Variants in NOX4 observed in about 807,000 individuals in gnomAD.
The protein encoded by NOX4 is kidney oxidase-1.
NOX4 carries 69 observed loss-of-function variants against 87.6 expected under a neutral mutation model. The observed-to-expected ratio is 0.79, with a 90% confidence interval of 0.65 to 0.96. The LOEUF is 0.96. Ranked by LOEUF, NOX4 falls within the 40% of genes least tolerant of loss-of-function variation. The pLI is 0.00. For missense variants in NOX4, 680 were observed against 681.5 expected, an observed-to-expected ratio of 1.00 and a Z score of 0.02; for synonymous variants, 275 against 238.2, an observed-to-expected ratio of 1.15 and a Z score of -1.42.
intron 2 of NOX4, among the ~76,000 whole-genome samples, chr11:89,455,615 C>A (rs1421835122): frequency 2.6e-5 from 4 of 151,776 alleles, no homozygotes; most frequent in Non-Finnish European, 5.9e-5. Context: ...ATTCACAAAG[C>A]TTGTATGTCC....
At chr11:89,501,439 G>C (rs1368414726), upstream of NOX4, among the ~76,000 whole-genome samples, 1 of 151,964 alleles carries the variant, frequency 6.6e-6, no homozygotes, top group African/African-American at 2.4e-5. Context: ...GATGAGCAGA[G>C]AAGAGAAGAT....
intron 11 of NOX4, among the ~76,000 whole-genome samples, chr11:89,381,641 T>C (rs1378384308): frequency 1.3e-5 from 2 of 152,188 alleles, no homozygotes; most frequent in Non-Finnish European, 2.9e-5. Flanking sequence ...CAAAGCCTGT[T>C]TGGTGGTCTT....
intron 2 of NOX4, among the ~76,000 whole-genome samples, chr11:89,478,685 C>G (rs1211550806): frequency 1.3e-5 from 2 of 152,000 alleles, no homozygotes; most frequent in Non-Finnish European, 2.9e-5. Flanking sequence ...TCATTTAAAC[C>G]CAGTACAAGT....
At chr11:89,455,830 T>G (rs1032936309) in intron 2 of NOX4, among the ~76,000 whole-genome samples, 7 of 151,468 alleles carry the variant, frequency 4.6e-5, no homozygotes, top group African/African-American at 1.7e-4. Context: ...TCCATCAAAT[T>G]TGGTAATCAA....
the NOX4 span, among the ~76,000 whole-genome samples, chr11:89,575,412 A>T: frequency 0.012 from 1,879 of 152,328 alleles, 32 homozygotes; most frequent in African/African-American, 0.043. Flanking sequence ...AAAAGGGAAG[A>T]TGAGTGAAAA....
intron 17 of NOX4, among the ~76,000 whole-genome samples, chr11:89,334,879 T>C (rs1488297601): frequency 6.6e-6 from 1 of 151,616 alleles, no homozygotes; most frequent in Non-Finnish European, 1.5e-5. Flanking sequence ...TAAATTGAAT[T>C]TTAATAAAAT....
chr11:89,348,890 A>G (rs1946329477), intron 13 of NOX4, among the ~76,000 whole-genome samples: 1 of 152,182 alleles, frequency 6.6e-6, no homozygotes, highest in Non-Finnish European at 1.5e-5. Flanking sequence ...AATTAGGGAA[A>G]CAGTACTACC....
At chr11:89,562,904 A>C in the NOX4 span, among the ~76,000 whole-genome samples, 1 of 152,130 alleles carries the variant, frequency 6.6e-6, no homozygotes, top group Non-Finnish European at 1.5e-5. Flanking sequence ...TAATTGGATT[A>C]TTGAGGGGAT....
chr11:89,426,953 C>T (rs181240916), intron 7 of NOX4, among the ~76,000 whole-genome samples: 145 of 152,320 alleles, frequency 9.5e-4, no homozygotes, highest in African/African-American at 2.6e-3. Context: ...CCCGAGTAGC[C>T]TAACTAGGAG....
chr11:89,438,806 AT>A (rs1944263551), intron 6 of NOX4, among the ~76,000 whole-genome samples: 1 of 25,462 alleles, frequency 3.9e-5, no homozygotes, highest in South Asian at 1.2e-3. Flanking sequence ...AATATATTAT[AT>A]ATTATATATA....
chr11:89,432,997 C>A (rs1943889531), intron 6 of NOX4, 141 bp from the exon 7 acceptor site: 1 of 610,754 alleles, frequency 1.6e-6, no homozygotes, highest in East Asian at 2.8e-5. Flanking sequence ...TATGTTCTCC[C>A]TCAAACAAGC....
the NOX4 span, among the ~76,000 whole-genome samples, chr11:89,534,263 TG>T: frequency 6.6e-6 from 1 of 152,238 alleles, no homozygotes; most frequent in Non-Finnish European, 1.5e-5. Flanking sequence ...AGGTCACACC[TG>T]AAGTTTATGA....
At chr11:89,411,230 G>A (rs116365899) in intron 8 of NOX4, among the ~76,000 whole-genome samples, 8,558 of 152,174 alleles carry the variant, frequency 0.056, 846 homozygotes, top group African/African-American at 0.19. Context: ...TGGTACCCAC[G>A]CAGTACTCGC....
chr11:89,408,476 A>C (rs1370089618), intron 8 of NOX4, among the ~76,000 whole-genome samples: 2 of 152,200 alleles, frequency 1.3e-5, no homozygotes, highest in African/African-American at 2.4e-5. Context: ...TGCTAGGTGC[A>C]TTTAGAAGTA....
chr11:89,336,131 T>C, intron 16 of NOX4, 186 bp from the exon 17 acceptor site: 2 of 406,156 alleles, frequency 4.9e-6, no homozygotes. Flanking sequence ...CTTTTAAAAT[T>C]CATTATCTCC....
intron 2 of NOX4, among the ~76,000 whole-genome samples, chr11:89,455,369 G>A (rs1945144025): frequency 6.6e-6 from 1 of 151,942 alleles, no homozygotes; most frequent in Non-Finnish European, 1.5e-5. Context: ...CTCAACTCTA[G>A]GATCTGGCTT....
chr11:89,443,882 C>A (rs1322266600), intron 5 of NOX4: 3 of 361,576 alleles, frequency 8.3e-6, no homozygotes, highest in African/African-American at 4.2e-5. Context: ...AGAGGCAGAC[C>A]TGAGTGGCAA....
intron 12 of NOX4, among the ~76,000 whole-genome samples, chr11:89,371,089 C>A (rs1327689964): frequency 2.0e-5 from 3 of 152,060 alleles, no homozygotes; most frequent in South Asian, 2.1e-4. Flanking sequence ...TTAATCAATT[C>A]TTTTAGAATA....
At chr11:89,415,283 AGTT>A (rs1331903210) in intron 8 of NOX4, among the ~76,000 whole-genome samples, 3 of 152,048 alleles carry the variant, frequency 2.0e-5, no homozygotes, top group African/African-American at 7.2e-5. Flanking sequence ...ATGATAATGC[AGTT>A]GTTAAGTTGT....
Sources: allele counts gnomAD v4.1 joint callset (sites outside exome capture counted in the v4.1 genomes callset), GRCh38; gene constraint gnomAD v4.1.1; transcripts MANE v1.5; gene names NCBI Gene and HGNC (gene_info 2026-07-23, HGNC 2026-07-21).